ARHGAP6: variants seen among roughly 807,000 people sequenced by gnomAD.
ARHGAP6 encodes the protein Rho GTPase activating protein 6.
A neutral mutation model predicts 55.7 loss-of-function variants in ARHGAP6; 16 were observed. The observed-to-expected ratio is 0.29, with a 90% confidence interval of 0.19 to 0.44. The LOEUF is 0.44. Ranked by LOEUF, ARHGAP6 falls within the 20% of genes least tolerant of loss-of-function variation. The probability of loss-of-function intolerance (pLI) is 1.00; values close to 1 mark genes in which losing one functional copy is unlikely to be tolerated. For missense variants in ARHGAP6, 698 were observed against 808.9 expected (o/e 0.86, Z 1.66); for synonymous variants, 382 against 360.9 (o/e 1.06, Z -0.66).
chrX:11,147,788 T>C (rs2045718908), intron 10 of ARHGAP6, among the ~76,000 whole-genome samples: 1 of 112,231 alleles, frequency 8.9e-6, no homozygotes, highest in African/African-American at 3.2e-5. Flanking sequence ...AATCCGGGTG[T>C]AGTGTAGTGG....
chrX:11,364,903 A>G (rs745946487), intron 1 of ARHGAP6, among the ~76,000 whole-genome samples: 37 of 110,465 alleles, frequency 3.3e-4, no homozygotes, highest in Non-Finnish European at 5.5e-4. Context: ...AGCCCTGGAC[A>G]ACTTCAGCCA....
intron 1 of ARHGAP6, among the ~76,000 whole-genome samples, chrX:11,387,710 C>T (rs1220584077): frequency 1.8e-5 from 2 of 110,968 alleles, no homozygotes; most frequent in African/African-American, 3.3e-5. Context: ...CCGCTTCCCC[C>T]ACCCCACAAC....
At chrX:11,531,362 C>T (rs2051047454) in intron 1 of ARHGAP6, among the ~76,000 whole-genome samples, 1 of 111,472 alleles carries the variant, frequency 9.0e-6, no homozygotes, top group Non-Finnish European at 1.9e-5. Flanking sequence ...TATCACAATA[C>T]TTTCTGAAAA....
At chrX:11,237,656 C>T (rs1748356174) in intron 2 of ARHGAP6, among the ~76,000 whole-genome samples, 2 of 111,810 alleles carry the variant, frequency 1.8e-5, no homozygotes, top group Non-Finnish European at 3.8e-5. Context: ...CTTTTTGGCA[C>T]CATCTCCTGT....
At chrX:11,400,815 T>A (rs1478221983) in intron 1 of ARHGAP6, among the ~76,000 whole-genome samples, 2 of 112,040 alleles carry the variant, frequency 1.8e-5, no homozygotes, top group African/African-American at 6.5e-5. Flanking sequence ...ACTTTCCCAA[T>A]ATTTGGGGGT....
chrX:11,164,384 G>GTGAT (rs1377859380), intron 9 of ARHGAP6, among the ~76,000 whole-genome samples: 1 of 112,135 alleles, frequency 8.9e-6, no homozygotes, highest in Non-Finnish European at 1.9e-5. Flanking sequence ...AGTGGTATTT[G>GTGAT]TGATATATAG....
intron 2 of ARHGAP6, among the ~76,000 whole-genome samples, chrX:11,228,419 G>GT (rs1415086007): frequency 2.1e-5 from 2 of 96,559 alleles, no homozygotes; most frequent in African/African-American, 8.7e-5. Context: ...ATTAAAAGCT[G>GT]TTTCCTTTGA....
At chrX:11,570,636 G>A (rs1446769118) in intron 1 of ARHGAP6, among the ~76,000 whole-genome samples, 1 of 111,128 alleles carries the variant, frequency 9.0e-6, no homozygotes, top group South Asian at 3.8e-4. Flanking sequence ...GTAAGTGGTG[G>A]CTCTTAGACT....
intron 1 of ARHGAP6, among the ~76,000 whole-genome samples, chrX:11,589,254 C>T (rs1034656384): frequency 3.7e-5 from 4 of 107,777 alleles, no homozygotes; most frequent in African/African-American, 1.4e-4. Flanking sequence ...CTTGGCCAGG[C>T]TGGTCTCTAA....
Position 11,432,757 on chromosome X carries a change from G to A in ARHGAP6, c.589-178050C>T, listed in dbSNP as rs570157206. Among the ~76,000 whole-genome samples the A allele has an allele frequency of 5.4e-4, 60 of 111,520 alleles. No homozygotes were observed. In the South Asian group the frequency reaches 0.023, roughly 43 times the overall value. ...AATCATGTGTCTCCTGTAAGTGAAG[G>A]ACCTACCAGCCCTGCTAAGGCCCTG... On this transcript the variant is annotated intron_variant, in intron 1 of 12. Transcript: ENST00000337414.
At chrX:11,582,204 A>G (rs1210930870) in intron 1 of ARHGAP6, among the ~76,000 whole-genome samples, 1 of 111,142 alleles carries the variant, frequency 9.0e-6, no homozygotes, top group Non-Finnish European at 1.9e-5. Flanking sequence ...GACCAGTGGC[A>G]AAGCTCAGAT....
At chrX:11,353,620 G>C (rs763627009) in intron 1 of ARHGAP6, among the ~76,000 whole-genome samples, 1 of 106,098 alleles carries the variant, frequency 9.4e-6, no homozygotes, top group South Asian at 4.4e-4. Context: ...ATGTCAATCT[G>C]AGCCAACTTG....
At chrX:11,540,268 A>G (rs1167381926) in intron 1 of ARHGAP6, among the ~76,000 whole-genome samples, 1 of 106,609 alleles carries the variant, frequency 9.4e-6, no homozygotes, top group Admixed American at 1.0e-4. Flanking sequence ...GAAAAAAAGG[A>G]AAAGAAAAAA....
intron 1 of ARHGAP6, among the ~76,000 whole-genome samples, chrX:11,568,243 T>C (rs1030348944): frequency 1.8e-5 from 2 of 112,442 alleles, no homozygotes; most frequent in African/African-American, 6.5e-5. Context: ...GTACATGCCA[T>C]ATAGCTGAAA....
intron 4 of ARHGAP6, 88 bp downstream of exon 4, chrX:11,188,640 A>G (rs995636840): frequency 9.0e-7 from 1 of 1,112,859 alleles, no homozygotes; most frequent in Non-Finnish European, 1.2e-6. Context: ...CTACATATCC[A>G]GTTTTCACAT....
chrX:11,352,611 T>G (rs1278727021), intron 1 of ARHGAP6, among the ~76,000 whole-genome samples: 4 of 111,659 alleles, frequency 3.6e-5, no homozygotes, highest in Admixed American at 9.5e-5. Flanking sequence ...GTCCTCCATG[T>G]AGGGGGTCAG....
intron 1 of ARHGAP6, among the ~76,000 whole-genome samples, chrX:11,368,459 G>A (rs1273813450): frequency 2.7e-5 from 3 of 111,821 alleles, no homozygotes; most frequent in East Asian, 5.6e-4. Context: ...GAAGATCCCC[G>A]TGACATATTA....
chrX:11,438,650 T>C (rs2050010999), intron 1 of ARHGAP6, among the ~76,000 whole-genome samples: 1 of 112,903 alleles, frequency 8.9e-6, no homozygotes, highest in Admixed American at 9.4e-5. Flanking sequence ...AAAGAAATTG[T>C]TTCTATCTTG....
At chrX:11,659,941 T>C (rs992846517) in intron 1 of ARHGAP6, among the ~76,000 whole-genome samples, 13 of 111,941 alleles carry the variant, frequency 1.2e-4, no homozygotes, top group Non-Finnish European at 2.4e-4. Flanking sequence ...GATAGGAAAT[T>C]AATACACCAC....
Sources: gnomAD v4.1 joint callset for allele counts (sites outside exome capture counted in the v4.1 genomes callset) on GRCh38, gnomAD v4.1.1 for gene constraint, MANE v1.5 for transcripts, NCBI Gene and HGNC (gene_info 2026-07-23, HGNC 2026-07-21) for gene names.